Variants in MBNL3 observed in about 807,000 individuals in gnomAD.
The protein encoded by MBNL3 is muscleblind like splicing regulator 3, also known as muscleblind-like protein 3.
MBNL3 carries 6 observed loss-of-function variants against 24.5 expected under a neutral mutation model. The observed-to-expected ratio is 0.25, with a 90% confidence interval of 0.13 to 0.48. The LOEUF is 0.48. MBNL3 is among the 20% of genes least tolerant of loss of function. MBNL3 has a pLI of 0.99. For missense variants in MBNL3, 230 were observed against 293.5 expected (o/e 0.78, Z 1.58); for synonymous variants, 100 against 101.7 (o/e 0.98, Z 0.10).
At chrX:132,487,609 T>C (rs1948077125) in intron 1 of MBNL3, among the ~76,000 whole-genome samples, 1 of 112,762 alleles carries the variant, frequency 8.9e-6, no homozygotes, top group African/African-American at 3.2e-5. Flanking sequence ...TGAACAGCGA[T>C]AGAATATTAT....
intron 2 of MBNL3, among the ~76,000 whole-genome samples, chrX:132,423,709 G>C (rs1435364601): frequency 9.0e-6 from 1 of 111,552 alleles, no homozygotes; most frequent in East Asian, 2.8e-4. Flanking sequence ...GGAGTTTCAA[G>C]TATTTGTTAT....
intron 1 of MBNL3, among the ~76,000 whole-genome samples, chrX:132,481,500 A>G (rs771387591): frequency 9.8e-5 from 11 of 112,187 alleles, no homozygotes; most frequent in African/African-American, 3.6e-4. Flanking sequence ...ACAGAGCTGG[A>G]GACTACAATA....
chrX:132,433,819 T>C (rs4606223), intron 2 of MBNL3, among the ~76,000 whole-genome samples: 42,299 of 108,603 alleles, frequency 0.39, 7,956 homozygotes, highest in African/African-American at 0.71. Flanking sequence ...ACGCTGGGGA[T>C]CTTGAGTTTC....
chrX:132,455,354 G>A (rs904261369), intron 1 of MBNL3, among the ~76,000 whole-genome samples: 1 of 111,902 alleles, frequency 8.9e-6, no homozygotes, highest in Non-Finnish European at 1.9e-5. Context: ...TCAATAAATG[G>A]GGAAGCAACT....
intron 2 of MBNL3, among the ~76,000 whole-genome samples, chrX:132,423,733 T>G (rs780301621): frequency 1.6e-4 from 18 of 111,816 alleles, no homozygotes; most frequent in Non-Finnish European, 3.4e-4. Flanking sequence ...TTCCTTTCTG[T>G]TTTACGAGTA....
rs143256187 is a variant in MBNL3, at chrX:132,478,262, G to A, written c.-704+10589C>T. On this transcript the variant is annotated intron_variant, in intron 1 of 8. Coordinates refer to ENST00000370853, the MANE Select transcript of MBNL3 (RefSeq NM_001386889.1). ...GTTCCCAGATAGTTTTATTTTCAGT[G>A]TCCCAATGTTCTAGCAATAGCACTT... is the stretch of plus-strand genomic sequence containing the variant. Among the ~76,000 whole-genome samples, 720 of 111,369 alleles carry A rather than the reference G, an allele frequency of 6.5e-3. 2 individuals are homozygous for A. The highest frequency in any genetic ancestry group is 0.011 in the Non-Finnish European group (589 of 53,040).
rs187899517 is a variant in MBNL3, at chrX:132,468,545, T to A, written c.-704+20306A>T. Among the ~76,000 whole-genome samples the A allele has an allele frequency of 5.3e-5, 6 of 112,782 alleles. No homozygotes were observed. The East Asian group carries it at 1.7e-3, about 31-fold the overall frequency. Reference sequence around the variant, plus strand: ...AAAATATAACAACAGAAAATATGCATGTGTTTTCCATGTGCAAGGCACTGT... The same window carrying A: ...AAAATATAACAACAGAAAATATGCAAGTGTTTTCCATGTGCAAGGCACTGT... On this transcript the variant is annotated intron_variant, in intron 1 of 8. Transcript: ENST00000370853.
At chrX:132,399,389 T>G (rs1940437234) in intron 3 of MBNL3, among the ~76,000 whole-genome samples, 1 of 110,845 alleles carries the variant, frequency 9.0e-6, no homozygotes, top group Non-Finnish European at 1.9e-5. Flanking sequence ...TTTTTAAAAT[T>G]GGAGTGGCTA....
chrX:132,479,016 A>G (rs910811960), intron 1 of MBNL3, among the ~76,000 whole-genome samples: 17 of 112,226 alleles, frequency 1.5e-4, no homozygotes, highest in African/African-American at 5.5e-4. Flanking sequence ...TTGGGAGGCC[A>G]AGGCAGGCAG....
chrX:132,463,316 G>A (rs1222152838), intron 1 of MBNL3, among the ~76,000 whole-genome samples: 1 of 111,255 alleles, frequency 9.0e-6, no homozygotes, highest in African/African-American at 3.3e-5. Flanking sequence ...ACAAAAATTA[G>A]TTGGGCATGG....
At chrX:132,427,953 G>A (rs750399336) in intron 2 of MBNL3, among the ~76,000 whole-genome samples, 15 of 110,977 alleles carry the variant, frequency 1.4e-4, no homozygotes, top group Non-Finnish European at 2.6e-4. Flanking sequence ...AGTTTTCAAC[G>A]TGGAAACTGC....
At chrX:132,402,980 T>G (rs1941190251) in intron 3 of MBNL3, among the ~76,000 whole-genome samples, 1 of 112,083 alleles carries the variant, frequency 8.9e-6, no homozygotes, top group South Asian at 3.7e-4. Context: ...AAATGGGTCT[T>G]AATATGCAAC....
At chrX:132,415,981 A>T (rs1349819127) in intron 2 of MBNL3, among the ~76,000 whole-genome samples, 2 of 104,285 alleles carry the variant, frequency 1.9e-5, no homozygotes, top group Non-Finnish European at 2.0e-5. Context: ...CTATATATAT[A>T]AAAAAAAAAC....
intron 2 of MBNL3, among the ~76,000 whole-genome samples, chrX:132,416,803 C>G (rs1943340731): frequency 9.0e-6 from 1 of 111,689 alleles, no homozygotes; most frequent in South Asian, 3.8e-4. Context: ...GGGAAAATTC[C>G]AAACTCTAAA....
intron 1 of MBNL3, among the ~76,000 whole-genome samples, chrX:132,462,010 C>T (rs1004431295): frequency 8.9e-6 from 1 of 111,899 alleles, no homozygotes; most frequent in African/African-American, 3.2e-5. Flanking sequence ...GAGTTACAGA[C>T]TCACAATGTG....
At chrX:132,479,157 G>C (rs939175925) in intron 1 of MBNL3, among the ~76,000 whole-genome samples, 1 of 111,714 alleles carries the variant, frequency 9.0e-6, no homozygotes, top group South Asian at 3.7e-4. Context: ...GCTGAGGCAG[G>C]AGAATCGCTT....
At chrX:132,454,148 G>A (rs971770039) in intron 1 of MBNL3, among the ~76,000 whole-genome samples, 1 of 110,803 alleles carries the variant, frequency 9.0e-6, no homozygotes, top group Admixed American at 9.6e-5. Context: ...ATATTGAATT[G>A]AATCAAATTA....
chrX:132,475,286 G>C (rs942734582), intron 1 of MBNL3, among the ~76,000 whole-genome samples: 4 of 112,066 alleles, frequency 3.6e-5, no homozygotes, highest in African/African-American at 6.5e-5. Flanking sequence ...AGTGAAAGCA[G>C]CCTTTTGTTA....
At chrX:132,389,920 C>T (rs892136745) in intron 5 of MBNL3, among the ~76,000 whole-genome samples, 3 of 110,492 alleles carry the variant, frequency 2.7e-5, no homozygotes, top group Non-Finnish European at 5.7e-5. Flanking sequence ...GGGCTGCGCA[C>T]GGTAGCTCAT....
Sources: allele counts gnomAD v4.1 joint callset (sites outside exome capture counted in the v4.1 genomes callset), GRCh38; gene constraint gnomAD v4.1.1; transcripts MANE v1.5; gene names NCBI Gene and HGNC (gene_info 2026-07-23, HGNC 2026-07-21).